Variants in KDM1B observed in about 807,000 individuals in gnomAD.
KDM1B encodes lysine demethylase 1B, also known as lysine-specific histone demethylase 2.
A neutral mutation model predicts 107.4 loss-of-function variants in KDM1B; 63 were observed. That is an observed-to-expected ratio of 0.59 (90% CI 0.48 to 0.72). The LOEUF (loss-of-function observed/expected upper bound fraction) is 0.72. Among genes scored for constraint, KDM1B ranks in the 30% least tolerant of loss-of-function variants. The pLI is 0.00. For missense variants in KDM1B, 749 were observed against 1,020.8 expected (o/e 0.73, Z 3.63); for synonymous variants, 363 against 363.9 (o/e 1.00, Z 0.03).
chr6:18,218,782 C>T (rs1465473758), intron 21 of KDM1B, among the ~76,000 whole-genome samples: 1 of 152,172 alleles, frequency 6.6e-6, no homozygotes, highest in Non-Finnish European at 1.5e-5. Flanking sequence ...CTTGAAATGT[C>T]CCCTTCCTGA....
intron 6 of KDM1B, among the ~76,000 whole-genome samples, chr6:18,170,754 A>G (rs973888320): frequency 2.0e-5 from 3 of 152,144 alleles, no homozygotes; most frequent in African/African-American, 7.2e-5. Context: ...TGCTGAGATT[A>G]CAGGTGTGAG....
In KDM1B at chr6:18,187,687, G is replaced by C. The variant is rs374773485; in HGVS notation, c.574-105G>C. ...AGTCTGAGCAAGAAAAAGCATAGCGGGTTAAGGACAAGTGAAACGAAGAGA... is the reference window on the plus strand; with the variant it reads ...AGTCTGAGCAAGAAAAAGCATAGCGCGTTAAGGACAAGTGAAACGAAGAGA... On this transcript the variant is annotated intron_variant, in intron 8 of 21. Transcript: ENST00000650836. The C allele has an allele frequency of 3.1e-4, 231 of 750,772 alleles. 3 individuals are homozygous for C. The South Asian group carries it at 3.5e-3, about 11-fold the overall frequency. The allele number at this position is 750,772 out of a possible 1,614,324, so 46.5% of individuals were successfully genotyped here.
chr6:18,207,013 A>G (rs1042846184), intron 15 of KDM1B, among the ~76,000 whole-genome samples: 2 of 152,022 alleles, frequency 1.3e-5, no homozygotes, highest in Non-Finnish European at 2.9e-5. Flanking sequence ...GAGTCATGCT[A>G]TTTTCCAAAA....
intron 10 of KDM1B, among the ~76,000 whole-genome samples, chr6:18,193,215 A>AG (rs1197534748): frequency 1.3e-5 from 2 of 149,618 alleles, no homozygotes; most frequent in Non-Finnish European, 3.0e-5. Flanking sequence ...AAAAAAAAAA[A>AG]GAATTTATAT....
intron 8 of KDM1B, among the ~76,000 whole-genome samples, chr6:18,187,439 A>G (rs1229382681): frequency 6.6e-6 from 1 of 152,128 alleles, no homozygotes; most frequent in African/African-American, 2.4e-5. Context: ...TACTGAGCAG[A>G]GATGCATTTT....
chr6:18,170,816 C>G (rs113217899), intron 6 of KDM1B, among the ~76,000 whole-genome samples: 262 of 151,240 alleles, frequency 1.7e-3, no homozygotes, highest in African/African-American at 6.2e-3. Context: ...GAAAACCTTT[C>G]TCTTTTTTTT....
intron 14 of KDM1B, among the ~76,000 whole-genome samples, chr6:18,202,111 T>G (rs1788070931): frequency 6.6e-6 from 1 of 152,062 alleles, no homozygotes; most frequent in Non-Finnish European, 1.5e-5. Context: ...AGTTTAAGAA[T>G]TTTAACCCAT....
At position 18,201,419 on chromosome 6, in the gene KDM1B, A is replaced by G. The variant is rs537384000; in HGVS notation, c.1360-67A>G. ...TCCATGAGAGCTCTGTCTGATTTTC[A>G]GCTTAGAACCTGTAAATATTTTTTT... is the stretch of plus-strand genomic sequence containing the variant. On this transcript the variant is annotated intron_variant, in intron 13 of 21. Coordinates refer to ENST00000650836, the MANE Select transcript of KDM1B (RefSeq NM_001364614.2). The surrounding 1 kb of genome is among the most constrained non-coding windows in gnomAD (Gnocchi z 4.3). 4 of 1,175,202 alleles carry G rather than the reference A, an allele frequency of 3.4e-6. No homozygotes were observed. The Admixed American group carries it at 7.9e-5, about 23-fold the overall frequency. The allele number at this position is 1,175,202 out of a possible 1,614,324, so 72.8% of individuals were successfully genotyped here. A position where few individuals can be genotyped will look rare whatever the true frequency, so the allele number is the denominator to read the frequency against.
rs565572837 is a variant in KDM1B at position 18,196,404 on chromosome 6, T to C, written c.970-653T>C. Among the ~76,000 whole-genome samples the C allele has an allele frequency of 2.6e-5, 4 of 152,332 alleles. No individual in the cohort carries two copies. The South Asian group carries it at 8.3e-4, about 32-fold the overall frequency. On this transcript the variant is annotated intron_variant, in intron 10 of 21. Coordinates refer to ENST00000650836, the MANE Select transcript of KDM1B (RefSeq NM_001364614.2). ...TTAGTTTTTTGAGACACCTCCGTAC[T>C]GTCTTCCATAATGACTGTACTAATG...
rs949396915 is a variant in KDM1B, at chr6:18,163,013, G to A, written c.305+89G>A. ...GGTCAGCTGATTAAAGCTTAGTCTC[G>A]AGGCTTACTGAATTATTCAGCTCTT... On this transcript the variant is annotated intron_variant, in intron 5 of 21. Transcript: ENST00000650836. 17 of 773,120 alleles carry A rather than the reference G, an allele frequency of 2.2e-5. No homozygotes were observed. The Admixed American group carries it at 2.4e-4, about 11-fold the overall frequency. The allele number at this position is 773,120 out of a possible 1,614,324, so 47.9% of individuals were successfully genotyped here.
At chr6:18,176,706 A>G (rs1786034646) in intron 7 of KDM1B, among the ~76,000 whole-genome samples, 2 of 152,088 alleles carry the variant, frequency 1.3e-5, no homozygotes, top group Admixed American at 1.3e-4. Flanking sequence ...GCATCTATTG[A>G]GATGATCATG....
Position 18,205,949 on chromosome 6 carries a change from G to A in KDM1B, c.1659+285G>A, listed in dbSNP as rs1447277152. Among the ~76,000 whole-genome samples, 1 of 152,052 alleles carries A rather than the reference G, an allele frequency of 6.6e-6. No homozygotes were observed. Among genetic ancestry groups the A allele is most frequent in the Non-Finnish European group, 1.5e-5 (1 of 68,012 alleles). ...GGAAGTCGTAGTGAGCTGGGATCGC[G>A]CCACTGCACTCCAGCCTGGAGTCTC... On this transcript the variant is annotated intron_variant, in intron 15 of 21. Coordinates refer to ENST00000650836, the MANE Select transcript of KDM1B (RefSeq NM_001364614.2). This position sits in a 1 kb window ranked among gnomAD's most constrained non-coding sequence, Gnocchi z 5.7.
intron 5 of KDM1B, among the ~76,000 whole-genome samples, chr6:18,163,413 A>G (rs1156271321): frequency 6.6e-6 from 1 of 151,930 alleles, no homozygotes; most frequent in African/African-American, 2.4e-5. Flanking sequence ...TGTTGATTCT[A>G]TTTTATTGTT....
intron 7 of KDM1B, among the ~76,000 whole-genome samples, chr6:18,184,242 A>G (rs891851580): frequency 6.8e-6 from 1 of 147,294 alleles, no homozygotes; most frequent in African/African-American, 2.5e-5. Context: ...TTTTACATGA[A>G]TGGTATCCTA....
chr6:18,191,057 G>T lies in KDM1B; in HGVS notation c.785-140G>T. On this transcript the variant is annotated intron_variant, in intron 9 of 21. Transcript: ENST00000650836. The surrounding 1 kb of genome is among the most constrained non-coding windows in gnomAD (Gnocchi z 5.1). ...AATTTATGTACGTTTTGTCTAACTG[G>T]GTGGAGGAAGCAAAGGTATTTATGT... 1 of 577,220 alleles carries T rather than the reference G, an allele frequency of 1.7e-6. No homozygotes were observed. The allele number at this position is 577,220 out of a possible 1,614,324, so 35.8% of individuals were successfully genotyped here.
chr6:18,159,985 A>G lies in KDM1B; in HGVS notation c.87+3A>G, dbSNP rs954759006. 1.3e-6 allele frequency: 2 copies of G among 1,586,344 alleles called. No homozygotes were observed. The highest frequency in any genetic ancestry group is 1.7e-6 in the Non-Finnish European group (2 of 1,166,112). On this transcript the variant is annotated splice_donor_region_variant and intron_variant, in intron 3 of 21. Transcript: ENST00000650836. This position sits in a 1 kb window ranked among gnomAD's most constrained non-coding sequence, Gnocchi z 4.5. ...CTTTGAGGAGCTCCGGTAGGCAGGT[A>G]GTGTTCATTTATTCATTCAACAAGC...
chr6:18,221,060 T>G (rs1789685853), intron 21 of KDM1B, among the ~76,000 whole-genome samples: 1 of 152,160 alleles, frequency 6.6e-6, no homozygotes, highest in South Asian at 2.1e-4. Flanking sequence ...AACCTATTTC[T>G]GAGGCTTCCT....
Position 18,215,257 on chromosome 6 carries a change from T to C in KDM1B, c.2232+128T>C, listed in dbSNP as rs149703807. On this transcript the variant is annotated intron_variant, in intron 20 of 21. Transcript: ENST00000650836. ...AGGCAGAGGCCACAGTCTTCTTTCT[T>C]TCAGAGTCCCACTGCCCACCTCAGC... is the stretch of plus-strand genomic sequence containing the variant. 3.3e-4 allele frequency: 363 copies of C among 1,102,744 alleles called. 3 individuals carry two copies. In the East Asian group the frequency reaches 7.1e-3, roughly 22 times the overall value. 68.3% of individuals were successfully genotyped at this position (1,102,744 alleles called of 1,614,324 possible).
At chr6:18,198,378 T>C (rs1787793706) in intron 12 of KDM1B, among the ~76,000 whole-genome samples, 1 of 151,664 alleles carries the variant, frequency 6.6e-6, no homozygotes, top group South Asian at 2.1e-4. Flanking sequence ...TTTGAGACAG[T>C]GTTATGAGAC....
Sources: gnomAD v4.1 joint callset for allele counts (sites outside exome capture counted in the v4.1 genomes callset) on GRCh38, gnomAD v4.1.1 for gene constraint, Gnocchi (gnomAD v3.1) non-coding constraint, MANE v1.5 for transcripts, NCBI Gene and HGNC (gene_info 2026-07-23, HGNC 2026-07-21) for gene names.